Variants in APP observed in about 807,000 individuals in gnomAD.
APP encodes the protein amyloid-beta precursor protein.
APP carries 31 observed loss-of-function variants against 101.4 expected under a neutral mutation model. That is an observed-to-expected ratio of 0.31 (90% CI 0.23 to 0.41). The LOEUF is 0.41. APP is among the 10% of genes least tolerant of loss of function. The pLI, the probability that APP is intolerant of heterozygous loss-of-function variation, is 1.00. For missense variants in APP, 839 were observed against 1,003.7 expected, an observed-to-expected ratio of 0.84 and a Z score of 2.22; for synonymous variants, 366 against 364.4, an observed-to-expected ratio of 1.00 and a Z score of -0.05.
At chr21:25,900,518 C>T (rs1271901149) in intron 15 of APP, among the ~76,000 whole-genome samples, 1 of 151,736 alleles carries the variant, frequency 6.6e-6, no homozygotes, top group African/African-American at 2.4e-5. Context: ...TGAGATTGTG[C>T]CACTGCACTC....
intron 13 of APP, among the ~76,000 whole-genome samples, chr21:25,918,545 A>G (rs2039470783): frequency 6.6e-6 from 1 of 152,062 alleles, no homozygotes; most frequent in Non-Finnish European, 1.5e-5. Flanking sequence ...GAGCCGAAGC[A>G]GGGCGAGGCA....
intron 5 of APP, among the ~76,000 whole-genome samples, chr21:26,032,023 G>A (rs1428429109): frequency 6.6e-6 from 1 of 152,188 alleles, no homozygotes; most frequent in East Asian, 1.9e-4. Flanking sequence ...TGCTCTGAGG[G>A]CTTGAAGTAA....
At chr21:25,951,686 G>A (rs991612477) in intron 13 of APP, among the ~76,000 whole-genome samples, 1 of 151,604 alleles carries the variant, frequency 6.6e-6, no homozygotes, top group African/African-American at 2.4e-5. Flanking sequence ...ACATAACCTG[G>A]AAAAAAAATC....
intron 15 of APP, among the ~76,000 whole-genome samples, chr21:25,901,274 GA>G (rs2038452024): frequency 8.6e-6 from 1 of 116,530 alleles, no homozygotes; most frequent in Non-Finnish European, 1.7e-5. Context: ...CTCCAGCCTG[GA>G]AACAGAGACA....
chr21:25,945,869 A>G (rs1367547564), intron 13 of APP: 1 of 455,230 alleles, frequency 2.2e-6, no homozygotes, highest in Admixed American at 2.4e-5. Flanking sequence ...TTTTGTAGAA[A>G]TGTGGTCTTG....
At chr21:26,026,777 T>C (rs2044595781) in intron 5 of APP, among the ~76,000 whole-genome samples, 2 of 152,226 alleles carry the variant, frequency 1.3e-5, no homozygotes, top group Admixed American at 1.3e-4. Flanking sequence ...GGTGGGTACA[T>C]GTCATTAGAC....
intron 14 of APP, among the ~76,000 whole-genome samples, chr21:25,906,983 CACTT>C (rs2038825725): frequency 1.3e-5 from 2 of 152,138 alleles, no homozygotes; most frequent in Admixed American, 1.3e-4. Flanking sequence ...CTAATGTCAC[CACTT>C]ACTTTCTCTG....
In APP at chr21:25,955,484, G is replaced by A. The variant is rs912072598; in HGVS notation, c.1587+143C>T. 1.4e-5 allele frequency: 17 copies of A among 1,213,608 alleles called. No homozygotes were observed. In the African/African-American group the frequency reaches 2.3e-4, roughly 16 times the overall value. 75.2% of individuals were successfully genotyped at this position (1,213,608 alleles called of 1,614,324 possible). A position where few individuals can be genotyped will look rare whatever the true frequency, so the allele number is the denominator to read the frequency against. On this transcript the variant is annotated intron_variant, in intron 12 of 17. Transcript: ENST00000346798. Reference sequence around the variant, plus strand: ...CATATTGCTCTAAGACAAGCTTTTAGAATTTACCAGAAGTTAAAGAGCTCT... The same window carrying A: ...CATATTGCTCTAAGACAAGCTTTTAAAATTTACCAGAAGTTAAAGAGCTCT...
At chr21:26,058,153 T>C (rs1293700526) in intron 3 of APP, among the ~76,000 whole-genome samples, 1 of 152,230 alleles carries the variant, frequency 6.6e-6, no homozygotes, top group African/African-American at 2.4e-5. Flanking sequence ...CCTCGTGTTT[T>C]ATGGTCACAG....
chr21:26,140,968 A>C (rs1176811956), intron 1 of APP, among the ~76,000 whole-genome samples: 1 of 152,248 alleles, frequency 6.6e-6, no homozygotes, highest in Non-Finnish European at 1.5e-5. Flanking sequence ...TTGGAATGAG[A>C]CTGCATAGGT....
intron 8 of APP, among the ~76,000 whole-genome samples, chr21:25,992,330 G>A (rs371774345): frequency 3.3e-5 from 5 of 151,796 alleles, no homozygotes; most frequent in African/African-American, 1.2e-4. Context: ...AGAGGTTGCA[G>A]TGAGCCGAGA....
chr21:26,160,217 C>T (rs1365387490), intron 1 of APP, among the ~76,000 whole-genome samples: 1 of 152,150 alleles, frequency 6.6e-6, no homozygotes, highest in Non-Finnish European at 1.5e-5. Flanking sequence ...TCCAAAATTG[C>T]AATTTTGTCT....
At chr21:26,018,397 A>C (rs1399533015) in intron 6 of APP, among the ~76,000 whole-genome samples, 1 of 152,228 alleles carries the variant, frequency 6.6e-6, no homozygotes, top group Non-Finnish European at 1.5e-5. Flanking sequence ...CCTACTTGTA[A>C]TTAGAGTTTT....
At chr21:26,155,890 G>A (rs528496456) in intron 1 of APP, among the ~76,000 whole-genome samples, 26 of 152,010 alleles carry the variant, frequency 1.7e-4, no homozygotes, top group African/African-American at 5.3e-4. Flanking sequence ...CCAGCTACTC[G>A]GGAGGCTGAG....
Position 25,952,248 on chromosome 21 carries a change from GTTCT to G in APP, c.1687+2338_1687+2341del, listed in dbSNP as rs758616071. 4.8e-5 allele frequency among the ~76,000 whole-genome samples: 7 copies of G among 144,418 alleles called. No individual in the cohort carries two copies. The East Asian group carries it at 5.9e-4, about 12-fold the overall frequency. The allele number at this position is 144,418 out of a possible 152,430, so 94.7% of individuals were successfully genotyped here. A position where few individuals can be genotyped will look rare whatever the true frequency, so the allele number is the denominator to read the frequency against. On this transcript the variant is annotated intron_variant, in intron 13 of 17. Transcript: ENST00000346798. ...CACATTAAGAGCACATACGTAATATGTTCTTTATTTTTATTATACTTTAAGTTTG... is the reference window on the plus strand; with the variant it reads ...CACATTAAGAGCACATACGTAATATGTTATTTTTATTATACTTTAAGTTTG...
chr21:25,982,839 A>G (rs758748786), intron 8 of APP, among the ~76,000 whole-genome samples: 54 of 152,212 alleles, frequency 3.5e-4, no homozygotes, highest in Non-Finnish European at 5.6e-4. Flanking sequence ...GCAATTTTGA[A>G]AGTAAATGAT....
upstream of APP, chr21:26,170,830 C>A (rs983194723): frequency 3.5e-5 from 18 of 508,576 alleles, no homozygotes; most frequent in Non-Finnish European, 5.7e-5. Flanking sequence ...CGGCCCACCC[C>A]GCTCGGCACC....
intron 13 of APP, among the ~76,000 whole-genome samples, chr21:25,927,154 G>A (rs1356547880): frequency 6.6e-6 from 1 of 152,160 alleles, no homozygotes; most frequent in Non-Finnish European, 1.5e-5. Flanking sequence ...GATTAAAGCA[G>A]TAGTCCAAGG....
intron 5 of APP, among the ~76,000 whole-genome samples, chr21:26,038,289 G>A (rs573117940): frequency 2.6e-5 from 4 of 152,038 alleles, no homozygotes; most frequent in Admixed American, 1.3e-4. Context: ...GAGCCATTAC[G>A]TATTATTATT....
Sources: gnomAD v4.1 joint callset for allele counts (sites outside exome capture counted in the v4.1 genomes callset) on GRCh38, gnomAD v4.1.1 for gene constraint, MANE v1.5 for transcripts, NCBI Gene and HGNC (gene_info 2026-07-23, HGNC 2026-07-21) for gene names.